Variants in PTPRN2 observed in about 807,000 individuals in gnomAD.
PTPRN2 encodes receptor-type tyrosine-protein phosphatase N2.
A neutral mutation model predicts 118.8 loss-of-function variants in PTPRN2; 74 were observed. The observed-to-expected ratio is 0.62, with a 90% CI of 0.52 to 0.76. The LOEUF is 0.76. Among genes scored for constraint, PTPRN2 ranks in the 30% least tolerant of loss-of-function variants. The pLI is 0.00. For missense variants in PTPRN2, 1,481 were observed against 1,394.4 expected (o/e 1.06, Z -0.99); for synonymous variants, 641 against 608.0 (o/e 1.05, Z -0.80).
At chr7:158,081,831 C>T (rs1320361366) in intron 10 of PTPRN2, among the ~76,000 whole-genome samples, 1 of 152,208 alleles carries the variant, frequency 6.6e-6, no homozygotes, top group Non-Finnish European at 1.5e-5. Flanking sequence ...AAGAACTACT[C>T]TGTATAAAAA....
chr7:157,773,152 G>A (rs1010872643), intron 12 of PTPRN2, among the ~76,000 whole-genome samples: 1 of 152,170 alleles, frequency 6.6e-6, no homozygotes, highest in Non-Finnish European at 1.5e-5. Context: ...CGAGGACCTC[G>A]TTCTAGGCAC....
chr7:157,692,661 G>A (rs1432264395), intron 12 of PTPRN2, among the ~76,000 whole-genome samples: 1 of 152,186 alleles, frequency 6.6e-6, no homozygotes, highest in Non-Finnish European at 1.5e-5. Context: ...CATGGTTCCC[G>A]CAGGCCTGAG....
intron 12 of PTPRN2, among the ~76,000 whole-genome samples, chr7:157,732,707 T>C (rs56195835): frequency 2.7e-3 from 2 of 750 alleles, no homozygotes; most frequent in African/African-American, 6.2e-3. Context: ...CCCTTTCCCG[T>C]CCCACGCGCC....
intron 12 of PTPRN2, among the ~76,000 whole-genome samples, chr7:157,751,763 T>C (rs1801483213): frequency 6.6e-6 from 1 of 151,788 alleles, no homozygotes; most frequent in Non-Finnish European, 1.5e-5. Context: ...CCGCACCCTT[T>C]GTTTCATGTT....
chr7:158,462,054 C>T (rs1819038603), intron 2 of PTPRN2, among the ~76,000 whole-genome samples: 1 of 152,304 alleles, frequency 6.6e-6, no homozygotes, highest in Non-Finnish European at 1.5e-5. Context: ...TCCATGCTTT[C>T]AGACCCCCTG....
intron 2 of PTPRN2, among the ~76,000 whole-genome samples, chr7:158,386,359 C>A (rs529213062): frequency 1.3e-4 from 17 of 135,022 alleles, no homozygotes; most frequent in African/African-American, 4.3e-4. Context: ...TCCCTCCTCC[C>A]GTGCCCCAAG....
chr7:158,452,189 A>G (rs537334385), intron 2 of PTPRN2, among the ~76,000 whole-genome samples: 55 of 134,294 alleles, frequency 4.1e-4, no homozygotes, highest in Non-Finnish European at 7.2e-4. Flanking sequence ...GCAAGACTCA[A>G]CGCCCCACAC....
intron 1 of PTPRN2, among the ~76,000 whole-genome samples, chr7:158,522,434 C>T (rs1218493149): frequency 2.6e-5 from 4 of 151,712 alleles, no homozygotes; most frequent in Admixed American, 6.6e-5. Context: ...GGAAGGTCCA[C>T]ATCGGAATGG....
chr7:157,841,181 C>T (rs1432259163), intron 12 of PTPRN2, among the ~76,000 whole-genome samples: 2 of 152,228 alleles, frequency 1.3e-5, no homozygotes, highest in African/African-American at 4.8e-5. Flanking sequence ...GCCACGATGG[C>T]AGCAAGGGCA....
intron 2 of PTPRN2, among the ~76,000 whole-genome samples, chr7:158,417,704 C>G (rs1312364654): frequency 3.0e-5 from 4 of 132,134 alleles, no homozygotes; most frequent in Non-Finnish European, 6.4e-5. Context: ...TCGAGATGCT[C>G]TAGCTCTCAG....
chr7:157,544,100 CGGAGAGAGGT>C (rs1798151129), intron 22 of PTPRN2, among the ~76,000 whole-genome samples: 2 of 127,166 alleles, frequency 1.6e-5, no homozygotes, highest in African/African-American at 3.0e-5. Context: ...TGAAGAGAGG[CGGAGAGAGGT>C]GGAGAGAGAT....
intron 12 of PTPRN2, among the ~76,000 whole-genome samples, chr7:157,778,511 G>A (rs1276755598): frequency 1.3e-5 from 2 of 151,416 alleles, no homozygotes; most frequent in Admixed American, 6.6e-5. Flanking sequence ...TACAGGTATC[G>A]AATGCCTATG....
intron 10 of PTPRN2, among the ~76,000 whole-genome samples, chr7:158,104,673 G>A (rs552750324): frequency 3.3e-5 from 5 of 149,500 alleles, no homozygotes; most frequent in South Asian, 2.2e-4. Flanking sequence ...AGCACCAACC[G>A]CAGCTCCATC....
chr7:158,145,631 G>C (rs993386135), intron 6 of PTPRN2, among the ~76,000 whole-genome samples: 9 of 152,204 alleles, frequency 5.9e-5, no homozygotes, highest in South Asian at 2.1e-4. Flanking sequence ...GCTTGGCGTG[G>C]AGCTGCCAGT....
chr7:157,640,098 C>A (rs908055821), intron 14 of PTPRN2, among the ~76,000 whole-genome samples: 1 of 152,146 alleles, frequency 6.6e-6, no homozygotes, highest in African/African-American at 2.4e-5. Context: ...AGCAAATCAG[C>A]AAACATCAAA....
chr7:157,642,830 A>ACAAAAC, intron 14 of PTPRN2, among the ~76,000 whole-genome samples: 1 of 146,666 alleles, frequency 6.8e-6, no homozygotes, highest in Admixed American at 6.8e-5. Flanking sequence ...AAAAAAAAAA[A>ACAAAAC]AAAAAAAAAA....
intron 11 of PTPRN2, among the ~76,000 whole-genome samples, chr7:158,016,386 G>GT (rs1172112162): frequency 1.3e-5 from 2 of 152,214 alleles, no homozygotes; most frequent in African/African-American, 2.4e-5. Flanking sequence ...GGCTGTGAGT[G>GT]TAAGAAAGTC....
chr7:158,483,342 G>T (rs2129445032), intron 2 of PTPRN2, among the ~76,000 whole-genome samples: 1 of 152,280 alleles, frequency 6.6e-6, no homozygotes, highest in African/African-American at 2.4e-5. Flanking sequence ...ATGAAAGCAT[G>T]ATTCATTTAT....
intron 12 of PTPRN2, among the ~76,000 whole-genome samples, chr7:157,749,073 C>T (rs1443607510): frequency 1.8e-5 from 1 of 54,454 alleles, no homozygotes; most frequent in Admixed American, 2.4e-4. Flanking sequence ...TGTGGGCTGT[C>T]CGGGTGATTC....
Sources: gnomAD v4.1 joint callset for allele counts (sites outside exome capture counted in the v4.1 genomes callset) on GRCh38, gnomAD v4.1.1 for gene constraint, MANE v1.5 for transcripts, NCBI Gene and HGNC (gene_info 2026-07-23, HGNC 2026-07-21) for gene names.